Variants in IFT140 observed in about 807,000 individuals in gnomAD.
IFT140 encodes the protein intraflagellar transport 140, also known as intraflagellar transport protein 140 homolog.
In IFT140, 133 loss-of-function variants were observed where a neutral mutation model predicts 164.6. That is an observed-to-expected ratio of 0.81 (90% confidence interval 0.70 to 0.93). The LOEUF (loss-of-function observed/expected upper bound fraction) is 0.93. IFT140 is among the 40% of genes least tolerant of loss of function. The pLI is 0.00. For synonymous variants in IFT140, 860 were observed against 817.3 expected, an observed-to-expected ratio of 1.05 and a Z score of -0.89; for missense variants, 2,045 against 1,972.3, an observed-to-expected ratio of 1.04 and a Z score of -0.70.
chr16:1,569,897 AT>A (rs1242884014), intron 14 of IFT140, among the ~76,000 whole-genome samples: 1 of 151,740 alleles, frequency 6.6e-6, no homozygotes, highest in Non-Finnish European at 1.5e-5. Context: ...AAAAAAAAAA[AT>A]AATAAATAAA....
intron 19 of IFT140, among the ~76,000 whole-genome samples, chr16:1,545,164 G>C (rs916602132): frequency 1.2e-4 from 19 of 152,376 alleles, no homozygotes; most frequent in Non-Finnish European, 1.6e-4. Flanking sequence ...CGGGGGACAG[G>C]GCTGGAGGCC....
At chr16:1,579,139 T>A (rs1187110521) in intron 13 of IFT140, 2 of 152,240 alleles carry the variant, frequency 1.3e-5, no homozygotes, top group East Asian at 3.8e-4. Context: ...TATACTGTTT[T>A]TCTCACAATA....
At chr16:1,606,739 C>T (rs1463684012) in intron 3 of IFT140, among the ~76,000 whole-genome samples, 1 of 152,142 alleles carries the variant, frequency 6.6e-6, no homozygotes, top group Non-Finnish European at 1.5e-5. Flanking sequence ...GGATTACAGG[C>T]GTGAGCCACT....
chr16:1,526,627 C>T lies in IFT140; in HGVS notation c.2569G>A (p.Gly857Ser), dbSNP rs200876696. Residue 857 changes from glycine to serine, a missense_variant, in exon 20 of 31, where the codon GGC becomes AGC. By Grantham distance (56) the Gly-to-Ser change is moderately conservative (BLOSUM62 0). Transcript: ENST00000426508. ...TGGCGGGCGCCCCTCACCAGCATGC[C>T]CAGCTGCGTGGCCAGCACGGCCACG... ...ARVAVLATQLGMLEDAEQLYR... is the reference protein window; with the variant it reads ...ARVAVLATQLSMLEDAEQLYR... The T allele has an allele frequency of 3.3e-3, 5,151 of 1,561,952 alleles. 33 individuals carry two copies. The highest frequency in any genetic ancestry group is 3.0e-3 in the Non-Finnish European group (3,485 of 1,162,410).
intron 30 of IFT140, among the ~76,000 whole-genome samples, chr16:1,516,321 G>A (rs964960277): frequency 2.0e-5 from 3 of 151,910 alleles, no homozygotes; most frequent in Admixed American, 6.6e-5. Context: ...TTACACATAC[G>A]ACAAATACAG....
At chr16:1,604,325 G>A (rs1017399441) in intron 3 of IFT140, 1 of 120,174 alleles carries the variant, frequency 8.3e-6, no homozygotes, top group South Asian at 2.6e-4. Context: ...GTGGAGGGGG[G>A]AGCAGTTCCT....
intron 4 of IFT140, among the ~76,000 whole-genome samples, chr16:1,601,711 G>C (rs191351251): frequency 7.2e-4 from 109 of 152,268 alleles, no homozygotes; most frequent in Non-Finnish European, 1.3e-3. Flanking sequence ...TGAAGCAGCA[G>C]GATAGGTGGT....
In IFT140 at chr16:1,564,135, C is replaced by T. The variant is rs1259847788; in HGVS notation, c.1929G>A (p.Leu643=). 1.9e-6 allele frequency: 3 copies of T among 1,586,636 alleles called. No individual in the cohort carries two copies. Among genetic ancestry groups the T allele is most frequent in the Non-Finnish European group, 2.6e-6 (3 of 1,159,524 alleles). The change falls in exon 17 of 31, where the codon CTG becomes CTA. Residue 643 remains leucine, a synonymous_variant. Coordinates refer to ENST00000426508, the MANE Select transcript of IFT140 (RefSeq NM_014714.4). This position sits in a 1 kb window ranked among gnomAD's most constrained non-coding sequence, Gnocchi z 5.5. ...AGTGGTTCACGGGAACATAATTTTT[C>T]AGTCCCTCATCCACAAAGAGGTGGC... ...NKSHLFVDEG[L]KNYVPVNHFW...
At chr16:1,554,192 C>T in intron 19 of IFT140, 1 of 1,189,656 alleles carries the variant, frequency 8.4e-7, no homozygotes, top group South Asian at 1.3e-5. Context: ...CCTGCCTGAG[C>T]TGCAGACTCC....
chr16:1,513,743 T>G (rs376883883), intron 30 of IFT140, among the ~76,000 whole-genome samples: 2,798 of 150,458 alleles, frequency 0.019, 83 homozygotes, highest in African/African-American at 0.064. Context: ...GTGCGATCTC[T>G]GCTCACTGCA....
In IFT140 at chr16:1,595,897, A is replaced by G. The variant is rs565181027; in HGVS notation, c.370-3309T>C. Among the ~76,000 whole-genome samples the G allele has an allele frequency of 5.3e-5, 8 of 152,228 alleles. No homozygotes were observed. The East Asian group carries it at 1.4e-3, about 26-fold the overall frequency. ...GCGAAATCCTGTCTCTACTAAAAAT[A>G]TAAATATTAGCTGGGTGTGATGGTG... On this transcript the variant is annotated intron_variant, in intron 4 of 30. Transcript: ENST00000426508.
chr16:1,578,915 C>T (rs140249761), intron 13 of IFT140, among the ~76,000 whole-genome samples: 65 of 152,208 alleles, frequency 4.3e-4, no homozygotes, highest in Middle Eastern at 6.8e-3. Context: ...TCTCAATATG[C>T]GGCCCAGGCT....
At chr16:1,596,149 T>G (rs1484212771) in intron 4 of IFT140, among the ~76,000 whole-genome samples, 1 of 152,020 alleles carries the variant, frequency 6.6e-6, no homozygotes, top group African/African-American at 2.4e-5. Flanking sequence ...TGCTTACATA[T>G]TGAGAAAACC....
Position 1,524,819 on chromosome 16 carries a change from C to T in IFT140, c.2962G>A (p.Val988Ile). 2 of 1,612,156 alleles carry T rather than the reference C, an allele frequency of 1.2e-6. No individual in the cohort carries two copies. Among genetic ancestry groups the T allele is most frequent in the South Asian group, 1.1e-5 (1 of 91,050 alleles). The change falls in exon 23 of 31, where the codon GTC becomes ATC. Residue 988 changes from valine to isoleucine, a missense_variant. Val to Ile is a conservative substitution (Grantham distance 29, BLOSUM62 3). Coordinates refer to ENST00000426508, the MANE Select transcript of IFT140 (RefSeq NM_014714.4). ...TTGCCCTGGAAGCAGTGGATGCGGA[C>T]CAGGGAGAAGTGGTCCCGGGCCAGC... ...YELARDHFSLVRIHCFQGNVQ... is the reference protein window; with the variant it reads ...YELARDHFSLIRIHCFQGNVQ...
intron 12 of IFT140, 63 bp downstream of exon 12, chr16:1,583,251 T>C: frequency 7.1e-7 from 1 of 1,401,274 alleles, no homozygotes; most frequent in Non-Finnish European, 1.0e-6. Context: ...GGCCCTCTCA[T>C]TAGGCAGGGA....
chr16:1,569,165 C>T (rs764934396), intron 14 of IFT140, among the ~76,000 whole-genome samples: 4 of 152,020 alleles, frequency 2.6e-5, no homozygotes, highest in Admixed American at 6.5e-5. Context: ...CCACCGCGCC[C>T]GGCTAATTTA....
chr16:1,544,488 C>A (rs1345832481), intron 19 of IFT140, among the ~76,000 whole-genome samples: 1 of 150,894 alleles, frequency 6.6e-6, no homozygotes, highest in Admixed American at 6.6e-5. Flanking sequence ...CCTGGCCACG[C>A]CCCACTAATT....
intron 9 of IFT140, 34 bp from the exon 10 acceptor site, chr16:1,586,309 T>A: frequency 1.3e-6 from 2 of 1,584,652 alleles, no homozygotes; most frequent in Admixed American, 1.8e-5. Flanking sequence ...GTGAACAGAG[T>A]TAAAAAAAGG....
At position 1,539,961 on chromosome 16, in the gene IFT140, C is replaced by A. The variant is rs1187364150; in HGVS notation, c.2400-13165G>T. 2.6e-5 allele frequency among the ~76,000 whole-genome samples: 4 copies of A among 152,188 alleles called. No homozygotes were observed. The East Asian group carries it at 7.7e-4, about 29-fold the overall frequency. ...GGGGCGCCACCCAGGCCGGAGCGGG[C>A]ACAGTGGAAAAGCCTGGCATCCAGG... On this transcript the variant is annotated intron_variant, in intron 19 of 30. Coordinates refer to ENST00000426508, the MANE Select transcript of IFT140 (RefSeq NM_014714.4).
Sources: allele counts gnomAD v4.1 joint callset (sites outside exome capture counted in the v4.1 genomes callset), GRCh38; gene constraint gnomAD v4.1.1; non-coding constraint Gnocchi (gnomAD v3.1); transcripts MANE v1.5; gene names NCBI Gene and HGNC (gene_info 2026-07-23, HGNC 2026-07-21).